The following NCMAP variants were observed in gnomAD, a reference collection of about 807,000 sequenced individuals.
The protein encoded by NCMAP is non-compact myelin associated protein, also known as noncompact myelin-associated protein.
In NCMAP, 8 loss-of-function variants were observed where a neutral mutation model predicts 7.8. The ratio of observed to expected loss-of-function variants is 1.02; its 90% CI spans 0.60 to 1.84. The LOEUF is 1.84. Ranked by LOEUF, NCMAP falls within the 40% of genes most tolerant of loss-of-function variation. The probability of loss-of-function intolerance (pLI) is 0.00; values close to 1 mark genes in which losing one functional copy is unlikely to be tolerated. For synonymous variants in NCMAP, 41 were observed against 52.9 expected, an observed-to-expected ratio of 0.78 and a Z score of 0.98; for missense variants, 112 against 131.4, an observed-to-expected ratio of 0.85 and a Z score of 0.72.
chr1:24,572,353 T>G (rs946876258), intron 1 of NCMAP, among the ~76,000 whole-genome samples: 2 of 150,646 alleles, frequency 1.3e-5, no homozygotes, highest in Non-Finnish European at 2.9e-5. Context: ...GGTCTGAGGC[T>G]CCAACCCCAT....
chr1:24,592,885 C>T (rs894189210), intron 1 of NCMAP, among the ~76,000 whole-genome samples: 5 of 151,836 alleles, frequency 3.3e-5, no homozygotes, highest in African/African-American at 1.2e-4. Context: ...TGCCACTGCA[C>T]TCCAGCCTGG....
In NCMAP at chr1:24,606,370, G is replaced by A. The variant is rs1353347444; in HGVS notation, c.*623G>A. On this transcript the variant is annotated 3_prime_UTR_variant, in exon 4 of 4. Transcript: ENST00000374392. ...AAAAGATTTCTGCTTCATTAGTAAA[G>A]AGTCAGTGATGGAATAGGGTGACTC... 1 of 152,432 alleles carries A rather than the reference G, an allele frequency of 6.6e-6. No individual in the cohort carries two copies. The highest frequency in any genetic ancestry group is 1.9e-4 in the East Asian group (1 of 5,202). 9.4% of individuals were successfully genotyped at this position (152,432 alleles called of 1,614,324 possible).
chr1:24,581,412 C>T (rs570751107), intron 1 of NCMAP, among the ~76,000 whole-genome samples: 6 of 152,326 alleles, frequency 3.9e-5, no homozygotes, highest in East Asian at 1.9e-4. Context: ...CCACTGTGAC[C>T]GGCCCCTGCT....
chr1:24,557,112 T>A (rs1473630650), intron 1 of NCMAP, among the ~76,000 whole-genome samples: 1 of 152,210 alleles, frequency 6.6e-6, no homozygotes, highest in East Asian at 1.9e-4. Flanking sequence ...TGCTAGCAGC[T>A]GCTTGGGGGC....
chr1:24,600,938 A>T lies in NCMAP; in HGVS notation c.83-2A>T. 6.2e-7 allele frequency: 1 copy of T among 1,613,820 alleles called. No homozygotes were observed. The highest frequency in any genetic ancestry group is 8.5e-7 in the Non-Finnish European group (1 of 1,179,888). On this transcript the variant is annotated splice_acceptor_variant, in intron 2 of 3. Coordinates refer to ENST00000374392, the MANE Select transcript of NCMAP (RefSeq NM_001010980.5). LOFTEE classifies it high-confidence loss of function. Reference sequence around the variant, plus strand: ...CGGTCTCTGCTTCTCTCCTTTCTGTAGGTTCTGGAGCCATTGTTGCTGCCG... The same window carrying T: ...CGGTCTCTGCTTCTCTCCTTTCTGTTGGTTCTGGAGCCATTGTTGCTGCCG...
chr1:24,580,300 G>A (rs940914235), intron 1 of NCMAP, among the ~76,000 whole-genome samples: 1 of 152,328 alleles, frequency 6.6e-6, no homozygotes, highest in African/African-American at 2.4e-5. Context: ...TGGCTATCAT[G>A]TCAGGCAGTG....
At chr1:24,581,558 G>A (rs1302493823) in intron 1 of NCMAP, among the ~76,000 whole-genome samples, 1 of 152,348 alleles carries the variant, frequency 6.6e-6, no homozygotes, top group African/African-American at 2.4e-5. Flanking sequence ...ACCACCCTAA[G>A]TTACTGCACG....
intron 1 of NCMAP, among the ~76,000 whole-genome samples, chr1:24,586,850 G>A (rs570627851): frequency 1.4e-5 from 2 of 141,872 alleles, no homozygotes; most frequent in African/African-American, 6.3e-5. Context: ...AAAAAGAGTT[G>A]GGGGCCATCT....
chr1:24,577,963 T>C (rs11585545), intron 1 of NCMAP, among the ~76,000 whole-genome samples: 36,366 of 151,850 alleles, frequency 0.24, 4,870 homozygotes, highest in East Asian at 0.39. Context: ...AAAAGAGGTC[T>C]AAAAAATGTA....
rs80208349 is a variant in NCMAP, at chr1:24,592,245, G to A, written c.-7-3179G>A. On this transcript the variant is annotated intron_variant, in intron 1 of 3. Coordinates refer to ENST00000374392, the MANE Select transcript of NCMAP (RefSeq NM_001010980.5). ...TTTCACTACTGGATATTGCAGTGTC[G>A]ACAGGGGGAAATGATTGTTTTTTGA... is the stretch of plus-strand genomic sequence containing the variant. 7.9e-3 allele frequency among the ~76,000 whole-genome samples: 1,200 copies of A among 152,248 alleles called. 18 individuals are homozygous for A. Among genetic ancestry groups the A allele is most frequent in the African/African-American group, 0.027 (1,141 of 41,542 alleles).
intron 1 of NCMAP, among the ~76,000 whole-genome samples, chr1:24,559,040 A>G (rs895906913): frequency 1.3e-5 from 2 of 152,220 alleles, no homozygotes; most frequent in African/African-American, 2.4e-5. Context: ...AAAAAGATAT[A>G]TATATTTGAT....
At chr1:24,572,756 C>T (rs1477065161) in intron 1 of NCMAP, among the ~76,000 whole-genome samples, 1 of 150,774 alleles carries the variant, frequency 6.6e-6, no homozygotes, top group Admixed American at 6.6e-5. Flanking sequence ...CTCACACTTG[C>T]CTCGCACGTT....
chr1:24,570,141 C>T (rs573253432), intron 1 of NCMAP, among the ~76,000 whole-genome samples: 34 of 148,984 alleles, frequency 2.3e-4, no homozygotes, highest in African/African-American at 8.0e-4. Context: ...AGACGGGGTC[C>T]CCCTGTGTTT....
At chr1:24,589,189 G>T (rs1232328850) in intron 1 of NCMAP, among the ~76,000 whole-genome samples, 1 of 152,044 alleles carries the variant, frequency 6.6e-6, no homozygotes, top group Non-Finnish European at 1.5e-5. Context: ...GACACATAGC[G>T]CATTATTATT....
At chr1:24,579,644 C>T (rs1651689143) in intron 1 of NCMAP, among the ~76,000 whole-genome samples, 1 of 152,098 alleles carries the variant, frequency 6.6e-6, no homozygotes, top group South Asian at 2.1e-4. Context: ...GGAGGCTGCA[C>T]TTAGGTCCAG....
chr1:24,580,887 C>T (rs1056979489), intron 1 of NCMAP, among the ~76,000 whole-genome samples: 4 of 152,200 alleles, frequency 2.6e-5, no homozygotes, highest in East Asian at 1.9e-4. Context: ...TAGGTTTAGG[C>T]CTTTGCCTTT....
chr1:24,594,416 C>T (rs968553923), intron 1 of NCMAP, among the ~76,000 whole-genome samples: 2 of 152,116 alleles, frequency 1.3e-5, no homozygotes, highest in African/African-American at 4.8e-5. Flanking sequence ...CTTGTATGAC[C>T]GGTTGATTCA....
intron 1 of NCMAP, among the ~76,000 whole-genome samples, chr1:24,556,625 A>T (rs1205827181): frequency 1.3e-5 from 2 of 152,060 alleles, no homozygotes; most frequent in Non-Finnish European, 2.9e-5. Flanking sequence ...AGCGAGATGA[A>T]AACCCACGGC....
intron 2 of NCMAP, among the ~76,000 whole-genome samples, chr1:24,599,264 G>C (rs1313926200): frequency 1.6e-5 from 2 of 126,218 alleles, no homozygotes. Flanking sequence ...TGGGCAACAA[G>C]AGTGAAACTC....
Sources: allele counts gnomAD v4.1 joint callset (sites outside exome capture counted in the v4.1 genomes callset), GRCh38; gene constraint gnomAD v4.1.1; transcripts MANE v1.5; gene names NCBI Gene and HGNC (gene_info 2026-07-23, HGNC 2026-07-21).